Variants in FHOD3 observed in about 807,000 individuals in gnomAD.
FHOD3 encodes FH1/FH2 domain-containing protein 3.
A neutral mutation model predicts 173.0 loss-of-function variants in FHOD3; 90 were observed. The observed-to-expected ratio is 0.52, with a 90% CI of 0.44 to 0.62. The LOEUF is 0.62. FHOD3 is among the 20% of genes least tolerant of loss of function. The pLI, the probability that FHOD3 is intolerant of heterozygous loss-of-function variation, is 0.00. For synonymous variants in FHOD3, 828 were observed against 823.0 expected (o/e 1.01, Z -0.10); for missense variants, 1,945 against 2,034.7 (o/e 0.96, Z 0.85).
At chr18:36,368,088 G>A (rs898713830) in intron 2 of FHOD3, among the ~76,000 whole-genome samples, 5 of 151,800 alleles carry the variant, frequency 3.3e-5, no homozygotes, top group East Asian at 1.9e-4. Context: ...GTGTGAAAAC[G>A]GACCAGCTCC....
intron 3 of FHOD3, among the ~76,000 whole-genome samples, chr18:36,436,502 A>T (rs1002593340): frequency 6.6e-6 from 1 of 152,186 alleles, no homozygotes; most frequent in African/African-American, 2.4e-5. Context: ...GCAGAAAAAA[A>T]GTTATCAGTT....
At chr18:36,405,987 T>C (rs563186168) in intron 3 of FHOD3, among the ~76,000 whole-genome samples, 2 of 152,338 alleles carry the variant, frequency 1.3e-5, no homozygotes, top group African/African-American at 4.8e-5. Context: ...TTAGTAGGTT[T>C]TTGATAATGG....
At chr18:36,767,336 G>A (rs531232548) in intron 27 of FHOD3, among the ~76,000 whole-genome samples, 70 of 151,990 alleles carry the variant, frequency 4.6e-4, no homozygotes, top group African/African-American at 1.4e-3. Flanking sequence ...CAGTAATAAC[G>A]GAAATCAGAG....
chr18:36,610,834 A>T (rs1306692294), intron 8 of FHOD3, among the ~76,000 whole-genome samples: 1 of 152,240 alleles, frequency 6.6e-6, no homozygotes, highest in Non-Finnish European at 1.5e-5. Flanking sequence ...AAGATAGTGA[A>T]GTAAGTAGGG....
At chr18:36,451,954 C>A (rs931628441) in intron 3 of FHOD3, among the ~76,000 whole-genome samples, 5 of 152,132 alleles carry the variant, frequency 3.3e-5, no homozygotes, top group African/African-American at 1.2e-4. Context: ...CCTTTTCCTG[C>A]ATGTGGCTCC....
intron 3 of FHOD3, among the ~76,000 whole-genome samples, chr18:36,452,175 T>C (rs953135115): frequency 2.0e-5 from 3 of 152,138 alleles, no homozygotes; most frequent in Non-Finnish European, 4.4e-5. Context: ...GTGCCACAAA[T>C]GCTGGGTATC....
intron 19 of FHOD3, 115 bp downstream of exon 19, chr18:36,718,830 G>A (rs567774075): frequency 6.7e-7 from 1 of 1,489,738 alleles, no homozygotes; most frequent in East Asian, 2.3e-5. Context: ...AAGTCCATTG[G>A]TATGAAAATT....
At chr18:36,693,950 G>C (rs572619561) in intron 17 of FHOD3, among the ~76,000 whole-genome samples, 1 of 152,354 alleles carries the variant, frequency 6.6e-6, no homozygotes, top group East Asian at 1.9e-4. Flanking sequence ...ATGTGGGTGT[G>C]TGTGTGTACG....
At chr18:36,393,930 G>A (rs2048425752) in intron 3 of FHOD3, among the ~76,000 whole-genome samples, 2 of 152,184 alleles carry the variant, frequency 1.3e-5, no homozygotes, top group African/African-American at 4.8e-5. Flanking sequence ...ATTAGTCTTA[G>A]GAAGGGACTT....
intron 3 of FHOD3, among the ~76,000 whole-genome samples, chr18:36,425,514 A>G (rs994582498): frequency 6.6e-6 from 1 of 152,252 alleles, no homozygotes; most frequent in African/African-American, 2.4e-5. Flanking sequence ...AGTAAGAACA[A>G]TCAGAATAAT....
chr18:36,404,836 C>T (rs151084711), intron 3 of FHOD3, among the ~76,000 whole-genome samples: 13 of 152,180 alleles, frequency 8.5e-5, no homozygotes, highest in African/African-American at 2.9e-4. Context: ...TAGCTTTCGT[C>T]GCTAGAATTT....
chr18:36,717,274 G>A (rs529280728), intron 18 of FHOD3, among the ~76,000 whole-genome samples: 28 of 152,308 alleles, frequency 1.8e-4, no homozygotes, highest in African/African-American at 6.3e-4. Context: ...TTGGAGAGGA[G>A]TGGGTGAGAT....
rs970969907 is a variant in FHOD3, at chr18:36,643,758, T to C, written c.1197-5558T>C. 2.6e-5 allele frequency among the ~76,000 whole-genome samples: 4 copies of C among 152,202 alleles called. No homozygotes were observed. In the East Asian group the frequency reaches 5.8e-4, roughly 22 times the overall value. On this transcript the variant is annotated intron_variant, in intron 10 of 28. Coordinates refer to ENST00000590592, the MANE Select transcript of FHOD3 (RefSeq NM_001281740.3). ...GCTGTGTTCATGTATTTTGTTCATT[T>C]TATAGTTGTGTTTTTGAAGTTTAAA...
chr18:36,528,717 G>A (rs539036993), intron 5 of FHOD3, among the ~76,000 whole-genome samples: 2 of 152,310 alleles, frequency 1.3e-5, no homozygotes, highest in South Asian at 4.1e-4. Flanking sequence ...CACTGGCTTT[G>A]TTAATTAATC....
chr18:36,325,816 A>T (rs1047145783), intron 1 of FHOD3, among the ~76,000 whole-genome samples: 19 of 152,248 alleles, frequency 1.2e-4, no homozygotes, highest in Non-Finnish European at 1.5e-5. Context: ...GATGTAAATT[A>T]GTGTACTGGG....
chr18:36,543,956 A>G (rs2057321613), intron 5 of FHOD3, among the ~76,000 whole-genome samples: 1 of 152,224 alleles, frequency 6.6e-6, no homozygotes, highest in Admixed American at 6.5e-5. Context: ...GGAGTGGGGC[A>G]GACAGTAGAG....
At chr18:36,420,570 C>T (rs763429839) in intron 3 of FHOD3, among the ~76,000 whole-genome samples, 5 of 152,142 alleles carry the variant, frequency 3.3e-5, no homozygotes, top group African/African-American at 9.7e-5. Flanking sequence ...CTTGTTGGCT[C>T]GGGACAGCTG....
intron 28 of FHOD3, 58 bp from the exon 29 acceptor site, chr18:36,779,390 C>A: frequency 6.5e-7 from 1 of 1,537,712 alleles, no homozygotes; most frequent in South Asian, 1.1e-5. Context: ...CTGTGCCTTG[C>A]TGCTCATACT....
chr18:36,327,161 T>G (rs2044714459), intron 1 of FHOD3, among the ~76,000 whole-genome samples: 1 of 152,234 alleles, frequency 6.6e-6, no homozygotes, highest in African/African-American at 2.4e-5. Context: ...CCAAGAGTGA[T>G]CTTTCCCCCT....
Sources: allele counts gnomAD v4.1 joint callset (sites outside exome capture counted in the v4.1 genomes callset), GRCh38; gene constraint gnomAD v4.1.1; transcripts MANE v1.5; gene names NCBI Gene and HGNC (gene_info 2026-07-23, HGNC 2026-07-21).